NEDD4L: variants seen among roughly 807,000 people sequenced by gnomAD.
NEDD4L encodes the protein E3 ubiquitin-protein ligase NEDD4-like.
In NEDD4L, 54 loss-of-function variants were observed where a neutral mutation model predicts 148.9. The observed-to-expected ratio is 0.36, with a 90% CI of 0.29 to 0.45. The LOEUF is 0.45. NEDD4L is among the 20% of genes least tolerant of loss of function. The probability of loss-of-function intolerance (pLI) is 1.00; values close to 1 mark genes in which losing one functional copy is unlikely to be tolerated. For missense variants in NEDD4L, 856 were observed against 1,233.8 expected (o/e 0.69, Z 4.59); for synonymous variants, 433 against 440.7 (o/e 0.98, Z 0.22).
intron 2 of NEDD4L, among the ~76,000 whole-genome samples, chr18:58,169,673 G>A (rs61616205): frequency 0.039 from 5,908 of 152,262 alleles, 386 homozygotes; most frequent in African/African-American, 0.13. Flanking sequence ...CACGTGGGGC[G>A]GCCACAGCTC....
chr18:58,077,949 G>A lies in NEDD4L; in HGVS notation c.48+33241G>A, dbSNP rs959331517. Among the ~76,000 whole-genome samples, 8 of 151,856 alleles carry A rather than the reference G, an allele frequency of 5.3e-5. No individual in the cohort carries two copies. The East Asian group carries it at 7.7e-4, about 15-fold the overall frequency. On this transcript the variant is annotated intron_variant, in intron 1 of 30. Transcript: ENST00000400345. Reference sequence around the variant, plus strand: ...GCTGCCGAGCATCCTGTAATGCACCGGACAGCCCCACAGGATGGGGAGTTA... The same window carrying A: ...GCTGCCGAGCATCCTGTAATGCACCAGACAGCCCCACAGGATGGGGAGTTA...
chr18:58,250,143 G>C (rs1004820734), intron 4 of NEDD4L, among the ~76,000 whole-genome samples: 2 of 151,714 alleles, frequency 1.3e-5, no homozygotes, highest in Non-Finnish European at 2.9e-5. Context: ...TTTTTTGTTT[G>C]TTTGTTTTGT....
At chr18:58,321,251 A>T (rs2149469406) in intron 6 of NEDD4L, among the ~76,000 whole-genome samples, 1 of 152,342 alleles carries the variant, frequency 6.6e-6, no homozygotes. Context: ...ATGGGGGGTG[A>T]TAAGGGTGGC....
chr18:58,078,015 A>T (rs1344080278), intron 1 of NEDD4L, among the ~76,000 whole-genome samples: 3 of 143,044 alleles, frequency 2.1e-5, no homozygotes, highest in Admixed American at 7.0e-5. Context: ...TGAGAAACGT[A>T]TTTTTTTTTT....
At chr18:58,282,232 G>C (rs77567199) in intron 5 of NEDD4L, among the ~76,000 whole-genome samples, 95 of 151,772 alleles carry the variant, frequency 6.3e-4, no homozygotes, top group African/African-American at 2.2e-3. Flanking sequence ...ATGGTAACCA[G>C]TAGCATTTTC....
Position 58,328,985 on chromosome 18 carries a change from G to A in NEDD4L, c.681-10G>A, listed in dbSNP as rs760474447. 1.2e-6 allele frequency: 2 copies of A among 1,613,814 alleles called. No homozygotes were observed. Among genetic ancestry groups the A allele is most frequent in the South Asian group, 1.1e-5 (1 of 91,056 alleles). On this transcript the variant is annotated splice_polypyrimidine_tract_variant and intron_variant, in intron 9 of 30. Transcript: ENST00000400345. ...CTCTTCTTCTCTTTCCCCCTTTCCT[G>A]CATGCTCAGGGACGTGTCCTCGGAG...
intron 22 of NEDD4L, 46 bp from the exon 23 acceptor site, chr18:58,370,351 C>G: frequency 9.2e-7 from 1 of 1,082,166 alleles, no homozygotes; most frequent in Non-Finnish European, 1.4e-6. Context: ...TGATACATAG[C>G]AGTGTCAAAG....
At chr18:58,280,986 T>C (rs2052974518) in intron 5 of NEDD4L, among the ~76,000 whole-genome samples, 2 of 152,166 alleles carry the variant, frequency 1.3e-5, no homozygotes, top group African/African-American at 4.8e-5. Flanking sequence ...TTTTCTTTTT[T>C]TGTTTCCTGA....
intron 5 of NEDD4L, among the ~76,000 whole-genome samples, chr18:58,265,516 A>C (rs759171761): frequency 1.1e-4 from 17 of 152,042 alleles, no homozygotes; most frequent in Non-Finnish European, 2.1e-4. Context: ...TTTCATTATA[A>C]CATCATAGTG....
At chr18:58,211,184 A>G (rs2147718424) in intron 2 of NEDD4L, among the ~76,000 whole-genome samples, 1 of 152,354 alleles carries the variant, frequency 6.6e-6, no homozygotes, top group South Asian at 2.1e-4. Flanking sequence ...ATTCAATTAA[A>G]ATTAGGAATG....
chr18:58,175,982 G>A (rs1456205281), intron 2 of NEDD4L, among the ~76,000 whole-genome samples: 1 of 152,192 alleles, frequency 6.6e-6, no homozygotes, highest in African/African-American at 2.4e-5. Context: ...CCATCCTGCG[G>A]GAGGCTTGCT....
intron 5 of NEDD4L, among the ~76,000 whole-genome samples, chr18:58,315,354 G>A (rs2058144154): frequency 6.6e-6 from 1 of 152,050 alleles, no homozygotes; most frequent in South Asian, 2.1e-4. Context: ...CCTCTTTGAA[G>A]TCGGGAGAGA....
chr18:58,338,669 A>G (rs1227881738), intron 13 of NEDD4L, among the ~76,000 whole-genome samples: 1 of 152,210 alleles, frequency 6.6e-6, no homozygotes, highest in Non-Finnish European at 1.5e-5. Flanking sequence ...TAATCCCAGC[A>G]CTTTGGGAGG....
At chr18:58,107,217 C>T (rs1012806642) in intron 1 of NEDD4L, among the ~76,000 whole-genome samples, 3 of 152,162 alleles carry the variant, frequency 2.0e-5, no homozygotes, top group Non-Finnish European at 4.4e-5. Flanking sequence ...ACCCTGACTC[C>T]TTATACAGTC....
chr18:58,379,199 G>A (rs1012266144), intron 24 of NEDD4L, among the ~76,000 whole-genome samples: 7 of 152,210 alleles, frequency 4.6e-5, no homozygotes, highest in African/African-American at 1.7e-4. Context: ...GGGCCCCTGG[G>A]TGCCAGCACC....
intron 1 of NEDD4L, among the ~76,000 whole-genome samples, chr18:58,131,760 C>G (rs546201532): frequency 1.3e-5 from 2 of 151,866 alleles, no homozygotes; most frequent in South Asian, 2.1e-4. Context: ...GTGGTGGATC[C>G]CAGGAGCTGC....
At chr18:58,231,118 G>A (rs1044135880) in intron 2 of NEDD4L, among the ~76,000 whole-genome samples, 1 of 151,736 alleles carries the variant, frequency 6.6e-6, no homozygotes, top group Non-Finnish European at 1.5e-5. Flanking sequence ...ATGTGTGGCA[G>A]CATGCCCATA....
chr18:58,102,376 T>C (rs2145511509), intron 1 of NEDD4L, among the ~76,000 whole-genome samples: 1 of 152,338 alleles, frequency 6.6e-6, no homozygotes, highest in South Asian at 2.1e-4. Flanking sequence ...ACCCCACCTA[T>C]TGAAGACATA....
rs537988293 is a variant in NEDD4L, at chr18:58,279,164, A to G, written c.297+27110A>G. Among the ~76,000 whole-genome samples, 23 of 152,266 alleles carry G rather than the reference A, an allele frequency of 1.5e-4. No homozygotes were observed. In the East Asian group the frequency reaches 4.4e-3, roughly 29 times the overall value. On this transcript the variant is annotated intron_variant, in intron 5 of 30. Coordinates refer to ENST00000400345, the MANE Select transcript of NEDD4L (RefSeq NM_001144967.3). The stretch of plus-strand genomic sequence containing the variant: ...AGTGCTGGGATTACAGGCATGATCC[A>G]CCATGCCTGGCCGATTATACTTTTT...
Sources: allele counts gnomAD v4.1 joint callset (sites outside exome capture counted in the v4.1 genomes callset), GRCh38; gene constraint gnomAD v4.1.1; transcripts MANE v1.5; gene names NCBI Gene and HGNC (gene_info 2026-07-23, HGNC 2026-07-21).